TEX14: variants seen among roughly 807,000 people sequenced by gnomAD.
TEX14 encodes testis expressed 14, intercellular bridge forming factor.
A neutral mutation model predicts 178.6 loss-of-function variants in TEX14; 168 were observed. The ratio of observed to expected loss-of-function variants is 0.94; its 90% CI spans 0.83 to 1.07. The LOEUF is 1.07. TEX14 is among the 50% of genes least tolerant of loss of function. The probability of loss-of-function intolerance (pLI) is 0.00; values close to 1 mark genes in which losing one functional copy is unlikely to be tolerated. For missense variants in TEX14, 1,730 were observed against 1,753.6 expected (o/e 0.99, Z 0.24); for synonymous variants, 626 against 634.1 (o/e 0.99, Z 0.19).
intron 2 of TEX14, chr17:58,631,053 C>A (rs2046274801): frequency 2.1e-6 from 1 of 468,062 alleles, no homozygotes; most frequent in South Asian, 9.3e-5. Context: ...AAAAAAAAGG[C>A]CAAAGTAGTA....
chr17:58,601,716 A>G, intron 13 of TEX14, 90 bp downstream of exon 13: 1 of 1,203,516 alleles, frequency 8.3e-7, no homozygotes. Context: ...AGTTACATCT[A>G]CAGTTTAGAG....
intron 1 of TEX14, among the ~76,000 whole-genome samples, chr17:58,657,751 CTTAGT>C (rs1323333557): frequency 6.6e-6 from 1 of 152,032 alleles, no homozygotes; most frequent in Non-Finnish European, 1.5e-5. Context: ...TTGGGAGAAA[CTTAGT>C]TTATAATTTA....
At chr17:58,658,257 T>C (rs947083342) in intron 1 of TEX14, among the ~76,000 whole-genome samples, 5 of 152,170 alleles carry the variant, frequency 3.3e-5, no homozygotes, top group African/African-American at 7.2e-5. Flanking sequence ...TCTTGATGAA[T>C]TGGCTCTGTC....
chr17:58,605,297 C>T (rs183975832), intron 10 of TEX14, among the ~76,000 whole-genome samples, 168 bp from the exon 11 acceptor site: 107 of 152,048 alleles, frequency 7.0e-4, no homozygotes, highest in African/African-American at 2.0e-3. Flanking sequence ...CGGGTTCAAG[C>T]GATTCTCCTG....
At position 58,616,406 on chromosome 17, in the gene TEX14, A is replaced by G; in HGVS notation, c.637-101T>C. On this transcript the variant is annotated intron_variant, in intron 6 of 31. Coordinates refer to ENST00000349033, the MANE Select transcript of TEX14 (RefSeq NM_031272.5). ...GCTAAAAGAATGAGAGCTGCTATTT[A>G]TCAACTTTCTGAATACCCCTATGCA... 3 of 1,470,036 alleles carry G rather than the reference A, an allele frequency of 2.0e-6. No individual in the cohort carries two copies. In the East Asian group the frequency reaches 6.9e-5, roughly 34 times the overall value. The allele number at this position is 1,470,036 out of a possible 1,614,324, so 91.1% of individuals were successfully genotyped here. A position where few individuals can be genotyped will look rare whatever the true frequency, so the allele number is the denominator to read the frequency against.
At chr17:58,582,917 C>T (rs950383047) in intron 19 of TEX14, among the ~76,000 whole-genome samples, 3 of 151,432 alleles carry the variant, frequency 2.0e-5, no homozygotes, top group Non-Finnish European at 4.4e-5. Flanking sequence ...CTGCTTATTT[C>T]ACAATATTCA....
At chr17:58,640,644 T>TGTGTGTGTGTGTGA (rs1555577606) in intron 2 of TEX14, among the ~76,000 whole-genome samples, 103 of 147,138 alleles carry the variant, frequency 7.0e-4, no homozygotes, top group Non-Finnish European at 1.2e-3. Context: ...TGTGTGTGTG[T>TGTGTGTGTGTGTGA]GAGAGAGAGA....
At chr17:58,625,013 T>C (rs1033583626) in intron 3 of TEX14, among the ~76,000 whole-genome samples, 1 of 152,176 alleles carries the variant, frequency 6.6e-6, no homozygotes, top group African/African-American at 2.4e-5. Flanking sequence ...GTAGGCTCTC[T>C]CCCACTGCTG....
At chr17:58,576,331 C>G (rs2044674700) in intron 21 of TEX14, among the ~76,000 whole-genome samples, 1 of 152,118 alleles carries the variant, frequency 6.6e-6, no homozygotes, top group Non-Finnish European at 1.5e-5. Context: ...ACTAAAAATA[C>G]AAAATTAGCC....
At chr17:58,650,352 C>T (rs2046814432) in intron 2 of TEX14, among the ~76,000 whole-genome samples, 1 of 151,954 alleles carries the variant, frequency 6.6e-6, no homozygotes, top group Admixed American at 6.6e-5. Flanking sequence ...ATGCCTGGCC[C>T]AAGAAGCAGA....
chr17:58,581,848 A>C, intron 19 of TEX14: 1 of 1,099,556 alleles, frequency 9.1e-7, no homozygotes, highest in South Asian at 1.5e-5. Flanking sequence ...TCAGTGTGAC[A>C]CTGAGCTGAC....
intron 1 of TEX14, among the ~76,000 whole-genome samples, chr17:58,678,853 T>TAATAATAATAAAAAA (rs986061483): frequency 6.8e-6 from 1 of 146,760 alleles, no homozygotes; most frequent in African/African-American, 2.5e-5. Flanking sequence ...ATAATAATAA[T>TAATAATAATAAAAAA]AAAAGAGAAG....
At chr17:58,681,093 C>A (rs1185660582) in intron 1 of TEX14, among the ~76,000 whole-genome samples, 1 of 151,888 alleles carries the variant, frequency 6.6e-6, no homozygotes, top group East Asian at 1.9e-4. Flanking sequence ...ACCAGCCTGG[C>A]CAACATGGCG....
chr17:58,631,552 AAC>A (rs2046290517), intron 2 of TEX14: 1 of 152,092 alleles, frequency 6.6e-6, no homozygotes, highest in East Asian at 1.9e-4. Context: ...CATCTCTCAA[AAC>A]ACACATCTGG....
At chr17:58,619,806 A>C in intron 5 of TEX14, among the ~76,000 whole-genome samples, 1 of 151,984 alleles carries the variant, frequency 6.6e-6, no homozygotes, top group Non-Finnish European at 1.5e-5. Context: ...CAAAAAAAAA[A>C]AAAAAAAAAA....
rs185142536 is a variant in TEX14, at chr17:58,665,964, G to C, written c.-1-13962C>G. ...CTCAGGAGGCTGAGGCAGGAGAATC[G>C]CTTCAACCTAGGAGGCGGAGGTTGC... On this transcript the variant is annotated intron_variant, in intron 1 of 31. Transcript: ENST00000349033. Among the ~76,000 whole-genome samples, 199 of 151,292 alleles carry C rather than the reference G, an allele frequency of 1.3e-3. 1 individual carries two copies. The highest frequency in any genetic ancestry group is 9.2e-3 in the Admixed American group (139 of 15,100).
At chr17:58,625,432 G>GATTTCAAATTAAAAACTGGGATTT (rs2046113921) in intron 3 of TEX14, among the ~76,000 whole-genome samples, 1 of 152,158 alleles carries the variant, frequency 6.6e-6, no homozygotes, top group African/African-American at 2.4e-5. Flanking sequence ...ACTGTGCCCA[G>GATTTCAAATTAAAAACTGGGATTT]CCTGTCTTAC....
intron 26 of TEX14, 119 bp from the exon 27 acceptor site, chr17:58,565,943 A>C: frequency 4.0e-6 from 3 of 742,418 alleles, no homozygotes; most frequent in Non-Finnish European, 6.7e-6. Context: ...TAACCCGGGA[A>C]CTCGTTAGGA....
rs189628217 is a variant in TEX14 at position 58,579,269 on chromosome 17, T to G, written c.3238+396A>C. 7.2e-4 allele frequency among the ~76,000 whole-genome samples: 110 copies of G among 152,328 alleles called. 1 individual carries two copies. The highest frequency in any genetic ancestry group is 2.6e-3 in the African/African-American group (108 of 41,582). ...TGGGGAGAAGAAATACATGAAAACC[T>G]AGTTCTAATTTTGTTATGTTAATAA... On this transcript the variant is annotated intron_variant, in intron 20 of 31. Transcript: ENST00000349033.
Sources: gnomAD v4.1 joint callset for allele counts (sites outside exome capture counted in the v4.1 genomes callset) on GRCh38, gnomAD v4.1.1 for gene constraint, MANE v1.5 for transcripts, NCBI Gene and HGNC (gene_info 2026-07-23, HGNC 2026-07-21) for gene names.